The following MRC1 variants were observed in gnomAD, a reference collection of about 807,000 sequenced individuals.
MRC1 encodes mannose receptor C-type 1.
MRC1 carries 62 observed loss-of-function variants against 102.9 expected under a neutral mutation model. The ratio of observed to expected loss-of-function variants is 0.60; its 90% CI spans 0.49 to 0.74. MRC1 has a LOEUF of 0.74. MRC1 is among the 30% of genes least tolerant of loss of function. MRC1 has a pLI of 0.00. For synonymous variants in MRC1, 457 were observed against 298.4 expected (o/e 1.53, Z -5.48); for missense variants, 1,237 against 862.8 (o/e 1.43, Z -5.43).
intron 23 of MRC1, among the ~76,000 whole-genome samples, chr10:17,897,710 GATTAAACTACGGC>G: frequency 6.6e-6 from 1 of 152,150 alleles, no homozygotes; most frequent in East Asian, 1.9e-4. Context: ...TAATTTGTGG[GATTAAACTACGGC>G]ATTTCTTTCA....
chr10:17,877,788 C>G (rs1833457377), intron 17 of MRC1, 112 bp from the exon 18 acceptor site: 1 of 799,344 alleles, frequency 1.3e-6, no homozygotes, highest in Admixed American at 1.8e-5. Context: ...TGCAGAAATT[C>G]CTCTCTAGAT....
rs1833611797 is a variant in MRC1 at position 17,887,313 on chromosome 10, C to G, written c.3147+1878C>G. On this transcript the variant is annotated intron_variant, in intron 22 of 29. Coordinates refer to ENST00000569591, the MANE Select transcript of MRC1 (RefSeq NM_002438.4). ...GGCTGAGGGAGGAGAATGGCATGAA[C>G]CCCGGAGGCGGAGCTTGTAGTGAGC... is the stretch of plus-strand genomic sequence containing the variant. Among the ~76,000 whole-genome samples, 6 of 152,260 alleles carry G rather than the reference C, an allele frequency of 3.9e-5. 1 individual carries two copies. In the South Asian group the frequency reaches 1.2e-3, roughly 32 times the overall value.
chr10:17,820,218 C>T (rs1254770683), intron 1 of MRC1, among the ~76,000 whole-genome samples: 3 of 152,134 alleles, frequency 2.0e-5, no homozygotes, highest in Non-Finnish European at 4.4e-5. Context: ...CACGTTGACA[C>T]ATAAAATTAA....
At chr10:17,849,398 A>G (rs1199678589) in intron 6 of MRC1, among the ~76,000 whole-genome samples, 181 bp from the exon 7 acceptor site, 2 of 152,194 alleles carry the variant, frequency 1.3e-5, no homozygotes, top group African/African-American at 4.8e-5. Flanking sequence ...AACCAACAAA[A>G]TAGTATATGC....
intron 21 of MRC1, among the ~76,000 whole-genome samples, chr10:17,882,440 G>C (rs1340466949): frequency 6.6e-6 from 1 of 151,846 alleles, no homozygotes; most frequent in Non-Finnish European, 1.5e-5. Context: ...ACAGTTGTTT[G>C]TTGTATATAT....
chr10:17,852,177 G>T (rs1838927092), intron 7 of MRC1, among the ~76,000 whole-genome samples: 1 of 151,836 alleles, frequency 6.6e-6, no homozygotes, highest in Non-Finnish European at 1.5e-5. Flanking sequence ...TTTTAGCATG[G>T]CACCTACTTA....
At position 17,863,584 on chromosome 10, in the gene MRC1, A is replaced by G; in HGVS notation, c.1685A>G (p.Tyr562Cys). Residue 562 changes from tyrosine (Y) to cysteine (C), a missense_variant, in exon 11 of 30, where the codon TAT becomes TGT. Tyr to Cys is a radical substitution (Grantham distance 194). Transcript: ENST00000569591. Reference protein sequence around the residue: ...TSFVGLRPEKYFWTGLSDIQT... With the variant: ...TSFVGLRPEKCFWTGLSDIQT... ...TTCGTTGGCTTAAGGCCTGAAAAATATTTCTGGACAGGACTTTCAGATATA... is the reference window on the plus strand; with the variant it reads ...TTCGTTGGCTTAAGGCCTGAAAAATGTTTCTGGACAGGACTTTCAGATATA... 1 of 780,840 alleles carries G rather than the reference A, an allele frequency of 1.3e-6. No individual in the cohort carries two copies. The highest frequency in any genetic ancestry group is 2.4e-5 in the East Asian group (1 of 41,256). The allele number at this position is 780,840 out of a possible 1,614,324, so 48.4% of individuals were successfully genotyped here.
intron 11 of MRC1, among the ~76,000 whole-genome samples, chr10:17,863,887 G>T (rs1398134702): frequency 2.6e-5 from 4 of 151,088 alleles, no homozygotes; most frequent in African/African-American, 9.7e-5. Flanking sequence ...GTGTTCTAAA[G>T]AAAAAAGGAA....
At chr10:17,860,300 C>A (rs1331542306) in intron 9 of MRC1, among the ~76,000 whole-genome samples, 1 of 146,808 alleles carries the variant, frequency 6.8e-6, no homozygotes, top group Non-Finnish European at 1.5e-5. Flanking sequence ...GAGACAGAGT[C>A]TCACTTTGTC....
intron 28 of MRC1, among the ~76,000 whole-genome samples, chr10:17,908,363 C>T (rs1413558864): frequency 6.6e-6 from 1 of 152,178 alleles, no homozygotes; most frequent in African/African-American, 2.4e-5. Context: ...CAACCTCCAC[C>T]TCCTGGGTTC....
At chr10:17,834,855 T>C (rs1466526127) in intron 4 of MRC1, among the ~76,000 whole-genome samples, 2 of 152,184 alleles carry the variant, frequency 1.3e-5, no homozygotes, top group Non-Finnish European at 2.9e-5. Context: ...GAAATTAGTG[T>C]GGGAGCAAAA....
rs1833363810 is a variant in MRC1 at position 17,872,209 on chromosome 10, GCAAA to G, written c.2344+92_2344+95del. ...CAGAATCTTTCCTTTATTAGCAGAAGCAAACAAACAAAATAACAAAATCAGGAAA... is the reference window on the plus strand; with the variant it reads ...CAGAATCTTTCCTTTATTAGCAGAAGCAAACAAAATAACAAAATCAGGAAA... On this transcript the variant is annotated intron_variant, in intron 15 of 29. Transcript: ENST00000569591. 5 of 776,760 alleles carry G rather than the reference GCAAA, an allele frequency of 6.4e-6. No homozygotes were observed. The Admixed American group carries it at 6.8e-5, about 11-fold the overall frequency. The allele number at this position is 776,760 out of a possible 1,614,324, so 48.1% of individuals were successfully genotyped here.
chr10:17,846,359 C>G (rs1838826082), intron 6 of MRC1, among the ~76,000 whole-genome samples: 1 of 151,984 alleles, frequency 6.6e-6, no homozygotes, highest in Admixed American at 6.6e-5. Context: ...ATTATTACCT[C>G]TTTTTGGAGG....
At chr10:17,829,265 A>T (rs995166573) in intron 3 of MRC1, among the ~76,000 whole-genome samples, 1 of 151,556 alleles carries the variant, frequency 6.6e-6, no homozygotes, top group Non-Finnish European at 1.5e-5. Context: ...AGAACAACTT[A>T]AAAAATACCT....
At chr10:17,837,099 C>A (rs1337521328) in intron 4 of MRC1, among the ~76,000 whole-genome samples, 3 of 152,134 alleles carry the variant, frequency 2.0e-5, no homozygotes, top group East Asian at 3.9e-4. Context: ...ACTCTGCTAT[C>A]GGACTCGAGC....
At chr10:17,850,886 A>G (rs1289365847) in intron 7 of MRC1, among the ~76,000 whole-genome samples, 2 of 152,224 alleles carry the variant, frequency 1.3e-5, no homozygotes, top group Non-Finnish European at 2.9e-5. Flanking sequence ...AATGGTATCC[A>G]TCTTCCTGTG....
chr10:17,811,852 G>A (rs1682265263), intron 1 of MRC1, among the ~76,000 whole-genome samples: 1 of 152,020 alleles, frequency 6.6e-6, no homozygotes, highest in South Asian at 2.1e-4. Flanking sequence ...CTCCCATAGT[G>A]CAGGATGATA....
chr10:17,813,484 TC>T (rs1838255825), intron 1 of MRC1, among the ~76,000 whole-genome samples: 1 of 152,034 alleles, frequency 6.6e-6, no homozygotes, highest in African/African-American at 2.4e-5. Flanking sequence ...AAATATTGAT[TC>T]TTCAGTGTAT....
intron 26 of MRC1, among the ~76,000 whole-genome samples, chr10:17,903,990 A>G (rs1032169179): frequency 1.4e-4 from 22 of 152,108 alleles, no homozygotes; most frequent in African/African-American, 3.9e-4. Flanking sequence ...TAATATACAT[A>G]TAAACATTTA....
Sources: gnomAD v4.1 joint callset for allele counts (sites outside exome capture counted in the v4.1 genomes callset) on GRCh38, gnomAD v4.1.1 for gene constraint, MANE v1.5 for transcripts, NCBI Gene and HGNC (gene_info 2026-07-23, HGNC 2026-07-21) for gene names.